Variants in SCHIP1 observed in about 807,000 individuals in gnomAD.
The protein encoded by SCHIP1 is schwannomin-interacting protein 1.
A neutral mutation model predicts 29.7 loss-of-function variants in SCHIP1; 8 were observed. That is an observed-to-expected ratio of 0.27 (90% CI 0.16 to 0.49). The LOEUF is 0.49. Among genes scored for constraint, SCHIP1 ranks in the 20% least tolerant of loss-of-function variants. SCHIP1 has a pLI of 0.99. For synonymous variants in SCHIP1, 76 were observed against 94.9 expected (o/e 0.80, Z 1.16); for missense variants, 193 against 294.6 (o/e 0.66, Z 2.52).
chr3:159,305,153 T>G, the SCHIP1 span, among the ~76,000 whole-genome samples: 49 of 152,278 alleles, frequency 3.2e-4, no homozygotes, highest in African/African-American at 1.1e-3. Flanking sequence ...CCTGGGCCAG[T>G]TCACCTGCAT....
chr3:159,583,425 A>G, the SCHIP1 span, among the ~76,000 whole-genome samples: 1 of 152,184 alleles, frequency 6.6e-6, no homozygotes, highest in Non-Finnish European at 1.5e-5. Context: ...AGACAATCCT[A>G]TTTTAAAAGA....
the SCHIP1 span, among the ~76,000 whole-genome samples, chr3:159,410,568 C>G: frequency 6.6e-6 from 1 of 152,080 alleles, no homozygotes; most frequent in Non-Finnish European, 1.5e-5. Flanking sequence ...CAAATCAAAA[C>G]TACAATGAGA....
chr3:159,749,303 A>T, the SCHIP1 span, among the ~76,000 whole-genome samples: 3 of 151,994 alleles, frequency 2.0e-5, no homozygotes, highest in African/African-American at 7.2e-5. Flanking sequence ...AGCTTGTGCC[A>T]CTGCACTCAG....
chr3:159,674,038 G>A, the SCHIP1 span, among the ~76,000 whole-genome samples: 11 of 152,134 alleles, frequency 7.2e-5, no homozygotes, highest in East Asian at 1.9e-4. Context: ...ACCTGAAACC[G>A]TCTCTTTACA....
At chr3:159,704,795 G>GT in the SCHIP1 span, among the ~76,000 whole-genome samples, 2 of 151,972 alleles carry the variant, frequency 1.3e-5, no homozygotes, top group African/African-American at 4.8e-5. Context: ...CAACACAATT[G>GT]TAATAATACA....
the SCHIP1 span, among the ~76,000 whole-genome samples, chr3:159,646,050 A>T: frequency 1.3e-5 from 2 of 152,290 alleles, no homozygotes; most frequent in African/African-American, 4.8e-5. Flanking sequence ...AGGGGAGATT[A>T]GTCAGAAAGT....
chr3:159,365,347 T>G, the SCHIP1 span, among the ~76,000 whole-genome samples: 1 of 152,272 alleles, frequency 6.6e-6, no homozygotes, highest in South Asian at 2.1e-4. Flanking sequence ...AAACATGCGT[T>G]TTTTTCTGGG....
intron 3 of SCHIP1, chr3:159,887,176 A>T (rs1311546551): frequency 6.5e-6 from 1 of 153,706 alleles, no homozygotes; most frequent in Non-Finnish European, 1.4e-5. Flanking sequence ...TGGGCTTAGA[A>T]ATATTAGCTC....
intron 5 of SCHIP1, among the ~76,000 whole-genome samples, chr3:159,890,701 CTT>C (rs1268476259): frequency 3.3e-5 from 5 of 151,894 alleles, no homozygotes; most frequent in Non-Finnish European, 7.4e-5. Context: ...CTTCCTTAGA[CTT>C]TTAAACACTG....
chr3:159,322,070 A>G, the SCHIP1 span, among the ~76,000 whole-genome samples: 253 of 151,938 alleles, frequency 1.7e-3, 2 homozygotes, highest in African/African-American at 5.9e-3. Flanking sequence ...CACTTTGTCC[A>G]AGCAGAAGAT....
the SCHIP1 span, among the ~76,000 whole-genome samples, chr3:159,760,857 T>C: frequency 6.8e-6 from 1 of 148,018 alleles, no homozygotes. Flanking sequence ...GTTTGGCCTA[T>C]GTCTTGATAT....
the SCHIP1 span, among the ~76,000 whole-genome samples, chr3:159,278,005 A>T: frequency 6.6e-6 from 1 of 152,208 alleles, no homozygotes; most frequent in East Asian, 1.9e-4. Flanking sequence ...GTCACACTGG[A>T]TGACCCACAT....
At chr3:159,426,637 C>T in the SCHIP1 span, among the ~76,000 whole-genome samples, 1 of 152,296 alleles carries the variant, frequency 6.6e-6, no homozygotes, top group Middle Eastern at 3.4e-3. Flanking sequence ...CCTTCTGAAA[C>T]TATTCCAATC....
the SCHIP1 span, among the ~76,000 whole-genome samples, chr3:159,501,475 C>T: frequency 1.3e-5 from 2 of 152,104 alleles, no homozygotes; most frequent in Admixed American, 1.3e-4. Flanking sequence ...ACCACTTGAC[C>T]AGGATAACCA....
At chr3:159,333,367 G>A in the SCHIP1 span, among the ~76,000 whole-genome samples, 1 of 152,070 alleles carries the variant, frequency 6.6e-6, no homozygotes, top group African/African-American at 2.4e-5. Flanking sequence ...TAGTATCTGG[G>A]ATATAGTAAA....
At chr3:159,422,504 C>A in the SCHIP1 span, among the ~76,000 whole-genome samples, 1 of 152,184 alleles carries the variant, frequency 6.6e-6, no homozygotes, top group African/African-American at 2.4e-5. Context: ...AGATCCCAAG[C>A]ATGCAGCTCA....
At chr3:159,680,697 A>ACATATATAATATATGT in the SCHIP1 span, among the ~76,000 whole-genome samples, 2 of 6,592 alleles carry the variant, frequency 3.0e-4, no homozygotes, top group African/African-American at 6.0e-4. Context: ...GTATATATAT[A>ACATATATAATATATGT]ATATATATTA....
chr3:159,831,989 T>A, the SCHIP1 span, among the ~76,000 whole-genome samples: 1 of 152,220 alleles, frequency 6.6e-6, no homozygotes, highest in Non-Finnish European at 1.5e-5. Context: ...TTATCTATAC[T>A]TAACACACGT....
chr3:159,615,948 C>T, the SCHIP1 span, among the ~76,000 whole-genome samples: 1 of 152,206 alleles, frequency 6.6e-6, no homozygotes, highest in Non-Finnish European at 1.5e-5. Context: ...TAGGATGTAG[C>T]TTTCTCTGTG....
Sources: gnomAD v4.1 joint callset for allele counts (sites outside exome capture counted in the v4.1 genomes callset) on GRCh38, gnomAD v4.1.1 for gene constraint, MANE v1.5 for transcripts, NCBI Gene and HGNC (gene_info 2026-07-23, HGNC 2026-07-21) for gene names.